The following DIO3 variants were observed in gnomAD, a reference collection of about 807,000 sequenced individuals.
DIO3 encodes iodothyronine deiodinase 3.
DIO3 carries 5 observed loss-of-function variants against 20.4 expected under a neutral mutation model. The observed-to-expected ratio is 0.25, with a 90% CI of 0.13 to 0.52. The LOEUF (loss-of-function observed/expected upper bound fraction) is 0.52. Among genes scored for constraint, DIO3 ranks in the 20% least tolerant of loss-of-function variants. DIO3 has a pLI of 0.97. For missense variants in DIO3, 341 were observed against 438.2 expected (o/e 0.78, Z 1.98); for synonymous variants, 201 against 193.3 (o/e 1.04, Z -0.33).
Position 101,562,533 on chromosome 14 carries a change from C to A in DIO3, c.*122C>A. 1 of 950,180 alleles carries A rather than the reference C, an allele frequency of 1.1e-6. No homozygotes were observed. The highest frequency in any genetic ancestry group is 1.6e-6 in the Non-Finnish European group (1 of 636,252). 58.9% of individuals were successfully genotyped at this position (950,180 alleles called of 1,614,324 possible). A position where few individuals can be genotyped will look rare whatever the true frequency, so the allele number is the denominator to read the frequency against. The stretch of plus-strand genomic sequence containing the variant: ...CCCCAGTGACACTGATGTGCTGAGC[C>A]ACCATTTCAGACTGAGTCTGCACCC... On this transcript the variant is annotated 3_prime_UTR_variant, in exon 1 of 1. Transcript: ENST00000510508. This position sits in a 1 kb window ranked among gnomAD's most constrained non-coding sequence, Gnocchi z 8.7.
In DIO3 at chr14:101,561,728, G is replaced by C; in HGVS notation, c.232G>C (p.Gly78Arg). The C allele has an allele frequency of 6.2e-7, 1 of 1,612,816 alleles. No individual in the cohort carries two copies. The highest frequency in any genetic ancestry group is 8.5e-7 in the Non-Finnish European group (1 of 1,179,632). Residue 78 changes from glycine to arginine, a missense_variant, in exon 1 of 1, where the codon GGG becomes CGG. By Grantham distance (125) the Gly-to-Arg change is moderately radical (BLOSUM62 -2). This residue lies in a region of DIO3 where 198 missense variants were observed against 220.7 expected (regional missense o/e 0.90). Transcript: ENST00000510508. This position sits in a 1 kb window ranked among gnomAD's most constrained non-coding sequence, Gnocchi z 8.0. ...GCATTTCCTGGGCCGCCGCCGCCGG[G>C]GGCAGCCCGAGCCCGAAGTGGAGCT...
chr14:101,562,052 A>G lies in DIO3; in HGVS notation c.556A>G (p.Lys186Glu), dbSNP rs993615821. Residue 186 changes from lysine to glutamate, a missense_variant, in exon 1 of 1, where the codon AAG (lysine) becomes GAG (glutamate). Lys to Glu is a moderately conservative substitution (Grantham distance 56). Transcript: ENST00000510508. The surrounding 1 kb of genome is among the most constrained non-coding windows in gnomAD (Gnocchi z 8.7). The stretch of plus-strand genomic sequence containing the variant: ...GAGCGCCTTCCAGCGCCTGGTCACT[A>G]AGTACCAGCGCGACGTCGACTTCCT... 1 of 1,608,758 alleles carries G rather than the reference A, an allele frequency of 6.2e-7. No homozygotes were observed. Among genetic ancestry groups the G allele is most frequent in the Admixed American group, 1.7e-5 (1 of 60,028 alleles).
At position 101,561,668 on chromosome 14, in the gene DIO3, A is replaced by G; in HGVS notation, c.172A>G (p.Met58Val). The G allele has an allele frequency of 1.2e-6, 2 of 1,613,552 alleles. No individual in the cohort carries two copies. The highest frequency in any genetic ancestry group is 1.7e-6 in the Non-Finnish European group (2 of 1,179,902). Residue 58 changes from methionine to valine, a missense_variant, in exon 1 of 1, where the codon ATG (methionine) becomes GTG (valine). By Grantham distance (21) the Met-to-Val change is conservative. Around this residue, in one of 3 missense-constraint regions of DIO3, gnomAD observed 198 missense variants for 220.7 expected, o/e 0.90. Coordinates refer to ENST00000510508, the Ensembl canonical transcript of DIO3. The surrounding 1 kb of genome is among the most constrained non-coding windows in gnomAD (Gnocchi z 8.0). ...CCCGCGCTTCCTCGGCACGGCCTTC[A>G]TGCTCTGGCTTCTCGATTTCTTGTG...
chr14:101,562,458 C>T lies in DIO3; in HGVS notation c.*47C>T. 1 of 1,543,270 alleles carries T rather than the reference C, an allele frequency of 6.5e-7. No homozygotes were observed. Among genetic ancestry groups the T allele is most frequent in the South Asian group, 1.2e-5 (1 of 80,978 alleles). ...GAACTTGGTGGGCTGGGCCTTCGAGCCTTCGAAGCCCACGTGCAAGCGCCT... is the reference window on the plus strand; with the variant it reads ...GAACTTGGTGGGCTGGGCCTTCGAGTCTTCGAAGCCCACGTGCAAGCGCCT... On this transcript the variant is annotated 3_prime_UTR_variant, in exon 1 of 1. Coordinates refer to ENST00000510508, the Ensembl canonical transcript of DIO3. This position sits in a 1 kb window ranked among gnomAD's most constrained non-coding sequence, Gnocchi z 8.7.
Position 101,562,075 on chromosome 14 carries a change from C to T in DIO3, c.579C>T (p.Phe193=), listed in dbSNP as rs1477764534. The T allele has an allele frequency of 3.1e-6, 5 of 1,611,506 alleles. No individual in the cohort carries two copies. Among genetic ancestry groups the T allele is most frequent in the Non-Finnish European group, 8.5e-7 (1 of 1,180,028 alleles). ...CTAAGTACCAGCGCGACGTCGACTT[C>T]CTCATCATCTACATCGAGGAAGCGC... The change falls in exon 1 of 1, where the codon TTC becomes TTT. Residue 193 remains phenylalanine (F), a synonymous_variant. Coordinates refer to ENST00000510508, the Ensembl canonical transcript of DIO3. This position sits in a 1 kb window ranked among gnomAD's most constrained non-coding sequence, Gnocchi z 8.7.
In DIO3 at chr14:101,561,754, CAACAGTGA is replaced by C. The variant is rs772322069; in HGVS notation, c.260_267del (p.Asn87ArgfsTer8). 6.2e-7 allele frequency: 1 copy of C among 1,612,820 alleles called. No homozygotes were observed. The stretch of plus-strand genomic sequence containing the variant: ...GGCAGCCCGAGCCCGAAGTGGAGCT[CAACAGTGA>C]AGGCGAGGAGGTGCCTCCCGATGAC... On this transcript the variant is annotated frameshift_variant, in exon 1 of 1. Coordinates refer to ENST00000510508, the Ensembl canonical transcript of DIO3. LOFTEE classifies it high-confidence loss of function. This position sits in a 1 kb window ranked among gnomAD's most constrained non-coding sequence, Gnocchi z 8.0.
In DIO3 at chr14:101,563,263, G is replaced by A; in HGVS notation, c.*852G>A. On this transcript the variant is annotated 3_prime_UTR_variant, in exon 1 of 1. Transcript: ENST00000510508. This position sits in a 1 kb window ranked among gnomAD's most constrained non-coding sequence, Gnocchi z 8.3. ...AATGACGTTGGGGTGATGGAGTCCG[G>A]GGAAAGAGAGGTGGGGGGAGAGCCT... 6.0e-6 allele frequency: 1 copy of A among 167,146 alleles called. No individual in the cohort carries two copies. The allele number at this position is 167,146 out of a possible 1,614,324, so 10.4% of individuals were successfully genotyped here.
chr14:101,562,489 C>T lies in DIO3; in HGVS notation c.*78C>T. The stretch of plus-strand genomic sequence containing the variant: ...AAGCCCACGTGCAAGCGCCTCAAAC[C>T]AAGTCACGCTTGGCGAGGCCCCAGT... On this transcript the variant is annotated 3_prime_UTR_variant, in exon 1 of 1. Transcript: ENST00000510508. The surrounding 1 kb of genome is among the most constrained non-coding windows in gnomAD (Gnocchi z 8.7). 1 of 1,433,534 alleles carries T rather than the reference C, an allele frequency of 7.0e-7. No individual in the cohort carries two copies. Among genetic ancestry groups the T allele is most frequent in the Admixed American group, 2.1e-5 (1 of 46,966 alleles). The allele number at this position is 1,433,534 out of a possible 1,614,324, so 88.8% of individuals were successfully genotyped here. A position where few individuals can be genotyped will look rare whatever the true frequency, so the allele number is the denominator to read the frequency against.
chr14:101,561,508 G>A lies in DIO3; in HGVS notation c.12G>A (p.Gln4=), dbSNP rs1405652643. ...CTGCTGAAGCCCAGATGCCTCGCCA[G>A]GCCACGTCGCGGTTGGTGGTCGGAG... The change falls in exon 1 of 1, where the codon CAG becomes CAA. Residue 4 remains glutamine, a synonymous_variant. Coordinates refer to ENST00000510508, the Ensembl canonical transcript of DIO3. The surrounding 1 kb of genome is among the most constrained non-coding windows in gnomAD (Gnocchi z 8.0). 1 of 1,604,148 alleles carries A rather than the reference G, an allele frequency of 6.2e-7. No homozygotes were observed. The highest frequency in any genetic ancestry group is 8.5e-7 in the Non-Finnish European group (1 of 1,174,852).
chr14:101,562,614 T>G lies in DIO3; in HGVS notation c.*203T>G. On this transcript the variant is annotated 3_prime_UTR_variant, in exon 1 of 1. Coordinates refer to ENST00000510508, the Ensembl canonical transcript of DIO3. This position sits in a 1 kb window ranked among gnomAD's most constrained non-coding sequence, Gnocchi z 8.7. ...CTGGGACTCTGCTTCTGTAACTGTC[T>G]CATTCACACCTGCCTGGCTCACTGG... The G allele has an allele frequency of 1.7e-6, 1 of 604,098 alleles. No homozygotes were observed. The highest frequency in any genetic ancestry group is 2.2e-5 in the South Asian group (1 of 45,174). The allele number at this position is 604,098 out of a possible 1,614,324, so 37.4% of individuals were successfully genotyped here.
At position 101,562,611 on chromosome 14, in the gene DIO3, G is replaced by GTC. The variant is rs1406744618; in HGVS notation, c.*203_*204dup. ...TCCCTGGGACTCTGCTTCTGTAACT[G>GTC]TCTCATTCACACCTGCCTGGCTCAC... On this transcript the variant is annotated 3_prime_UTR_variant, in exon 1 of 1. Coordinates refer to ENST00000510508, the Ensembl canonical transcript of DIO3. This position sits in a 1 kb window ranked among gnomAD's most constrained non-coding sequence, Gnocchi z 8.7. The GTC allele has an allele frequency of 1.6e-6, 1 of 608,318 alleles. No homozygotes were observed. Among genetic ancestry groups the GTC allele is most frequent in the Admixed American group, 3.1e-5 (1 of 32,316 alleles). The allele number at this position is 608,318 out of a possible 1,614,324, so 37.7% of individuals were successfully genotyped here. A position where few individuals can be genotyped will look rare whatever the true frequency, so the allele number is the denominator to read the frequency against.
chr14:101,561,739 G>C lies in DIO3; in HGVS notation c.243G>C (p.Glu81Asp), dbSNP rs149276303. The change falls in exon 1 of 1, where the codon GAG becomes GAC. Residue 81 changes from glutamate to aspartate, a missense_variant. Glu to Asp is a conservative substitution (Grantham distance 45). Transcript: ENST00000510508. The surrounding 1 kb of genome is among the most constrained non-coding windows in gnomAD (Gnocchi z 8.0). ...GCCGCCGCCGCCGGGGGCAGCCCGAGCCCGAAGTGGAGCTCAACAGTGAAG... is the reference window on the plus strand; with the variant it reads ...GCCGCCGCCGCCGGGGGCAGCCCGACCCCGAAGTGGAGCTCAACAGTGAAG... 6.2e-7 allele frequency: 1 copy of C among 1,612,788 alleles called. No homozygotes were observed. Among genetic ancestry groups the C allele is most frequent in the South Asian group, 1.1e-5 (1 of 91,072 alleles).
chr14:101,561,964 A>G lies in DIO3; in HGVS notation c.468A>G (p.Gln156=), dbSNP rs922511802. The G allele has an allele frequency of 1.2e-6, 2 of 1,602,982 alleles. No individual in the cohort carries two copies. The highest frequency in any genetic ancestry group is 8.5e-7 in the Non-Finnish European group (1 of 1,179,996). Residue 156 remains glutamine (Q), a synonymous_variant, in exon 1 of 1, where the codon CAA becomes CAG. Coordinates refer to ENST00000510508, the Ensembl canonical transcript of DIO3. This position sits in a 1 kb window ranked among gnomAD's most constrained non-coding sequence, Gnocchi z 8.0. ...GCCAGCACATCCTCGACTACGCGCAAGGGAACCGCCCGCTGGTTCTCAATT... is the reference window on the plus strand; with the variant it reads ...GCCAGCACATCCTCGACTACGCGCAGGGGAACCGCCCGCTGGTTCTCAATT...
rs762809905 is a variant in DIO3, at chr14:101,561,615, C to G, written c.119C>G (p.Ala40Gly). ...CTGCTTCACTCCTTGAGGCTCTGCGCCCAGACCGCCTCGTGCCTCGTGCTC... is the reference window on the plus strand; with the variant it reads ...CTGCTTCACTCCTTGAGGCTCTGCGGCCAGACCGCCTCGTGCCTCGTGCTC... The change falls in exon 1 of 1, where the codon GCC becomes GGC. Residue 40 changes from alanine (A) to glycine (G), a missense_variant. Around this residue, in one of 3 missense-constraint regions of DIO3, gnomAD observed 198 missense variants for 220.7 expected, o/e 0.90. Coordinates refer to ENST00000510508, the Ensembl canonical transcript of DIO3. The surrounding 1 kb of genome is among the most constrained non-coding windows in gnomAD (Gnocchi z 8.0). The G allele has an allele frequency of 5.0e-6, 8 of 1,613,320 alleles. No individual in the cohort carries two copies. The African/African-American group carries it at 9.3e-5, about 19-fold the overall frequency.
In DIO3 at chr14:101,561,939, G is replaced by A. The variant is rs770838104; in HGVS notation, c.443G>A (p.Ser148Asn). 1 of 1,604,050 alleles carries A rather than the reference G, an allele frequency of 6.2e-7. No homozygotes were observed. The highest frequency in any genetic ancestry group is 8.5e-7 in the Non-Finnish European group (1 of 1,179,962). ...GTGGTTCTGCCCGACGGCTTCCAGA[G>A]CCAGCACATCCTCGACTACGCGCAA... Residue 148 changes from serine to asparagine, a missense_variant, in exon 1 of 1, where the codon AGC becomes AAC. Coordinates refer to ENST00000510508, the Ensembl canonical transcript of DIO3. The surrounding 1 kb of genome is among the most constrained non-coding windows in gnomAD (Gnocchi z 8.0).
At position 101,561,525 on chromosome 14, in the gene DIO3, T is replaced by C; in HGVS notation, c.29T>C (p.Val10Ala). The C allele has an allele frequency of 1.2e-6, 2 of 1,608,792 alleles. No individual in the cohort carries two copies. Among genetic ancestry groups the C allele is most frequent in the East Asian group, 4.5e-5 (2 of 44,730 alleles). Residue 10 changes from valine (V) to alanine (A), a missense_variant, in exon 1 of 1, where the codon GTG (valine) becomes GCG (alanine). Physicochemically the swap from Val to Ala is moderately conservative, Grantham distance 64. Coordinates refer to ENST00000510508, the Ensembl canonical transcript of DIO3. The surrounding 1 kb of genome is among the most constrained non-coding windows in gnomAD (Gnocchi z 8.0). Reference sequence around the variant, plus strand: ...CCTCGCCAGGCCACGTCGCGGTTGGTGGTCGGAGAGGGCGAGGGGTCCCAG... The same window carrying C: ...CCTCGCCAGGCCACGTCGCGGTTGGCGGTCGGAGAGGGCGAGGGGTCCCAG...
Position 101,562,210 on chromosome 14 carries a change from C to T in DIO3, c.714C>T (p.Gly238=), listed in dbSNP as rs753286942. The T allele has an allele frequency of 2.3e-5, 37 of 1,612,076 alleles. No homozygotes were observed. The highest frequency in any genetic ancestry group is 3.4e-6 in the Non-Finnish European group (4 of 1,180,046). Reference sequence around the variant, plus strand: ...GGGTACTGCAGCAAGGTGCACCCGGCTGCGCTCTGGTCCTCGACACCATGG... The same window carrying T: ...GGGTACTGCAGCAAGGTGCACCCGGTTGCGCTCTGGTCCTCGACACCATGG... The change falls in exon 1 of 1, where the codon GGC becomes GGT. Residue 238 remains glycine (G), a synonymous_variant. Coordinates refer to ENST00000510508, the Ensembl canonical transcript of DIO3. This position sits in a 1 kb window ranked among gnomAD's most constrained non-coding sequence, Gnocchi z 8.7.
rs752131995 is a variant in DIO3, at chr14:101,562,090, C to T, written c.594C>T (p.Ile198=). 3 of 1,612,338 alleles carry T rather than the reference C, an allele frequency of 1.9e-6. No individual in the cohort carries two copies. Among genetic ancestry groups the T allele is most frequent in the Middle Eastern group, 1.6e-4 (1 of 6,062 alleles). The change falls in exon 1 of 1, where the codon ATC becomes ATT. Residue 198 remains isoleucine (I), a synonymous_variant. Transcript: ENST00000510508. This position sits in a 1 kb window ranked among gnomAD's most constrained non-coding sequence, Gnocchi z 8.7. ...ACGTCGACTTCCTCATCATCTACAT[C>T]GAGGAAGCGCACCCCTCCGACGGCT...
rs371814300 is a variant in DIO3 at position 101,562,401 on chromosome 14, G to A, written c.905G>A (p.Arg302Gln). Residue 302 changes from arginine to glutamine, a missense_variant, in exon 1 of 1, where the codon CGG becomes CAG. Around this residue, in one of 3 missense-constraint regions of DIO3, gnomAD observed 138 missense variants for 197.8 expected, o/e 0.70. Coordinates refer to ENST00000510508, the Ensembl canonical transcript of DIO3. The surrounding 1 kb of genome is among the most constrained non-coding windows in gnomAD (Gnocchi z 8.7). Reference sequence around the variant, plus strand: ...GAGCAACTGCACGGCGCTCGGCCCCGGAGGGTGTAAACATCCAACGGACAA... The same window carrying A: ...GAGCAACTGCACGGCGCTCGGCCCCAGAGGGTGTAAACATCCAACGGACAA... 5.2e-5 allele frequency: 83 copies of A among 1,609,702 alleles called. No homozygotes were observed. The highest frequency in any genetic ancestry group is 6.2e-5 in the Non-Finnish European group (73 of 1,177,480).
Sources: gnomAD v4.1 joint callset for allele counts on GRCh38, gnomAD v4.1.1 for gene constraint, gnomAD v4.1.1 regional missense constraint, Gnocchi (gnomAD v3.1) non-coding constraint, MANE v1.5 for transcripts, NCBI Gene and HGNC (gene_info 2026-07-23, HGNC 2026-07-21) for gene names.